The following TRIM33 variants were observed in gnomAD, a reference collection of about 807,000 sequenced individuals.
TRIM33 encodes tripartite motif containing 33, also known as E3 ubiquitin-protein ligase TRIM33.
Under a neutral mutation model 125.4 loss-of-function variants are expected in TRIM33, and 20 were observed. That is an observed-to-expected ratio of 0.16 (90% CI 0.11 to 0.23). The LOEUF is 0.23. TRIM33 is among the 10% of genes least tolerant of loss of function. TRIM33 has a pLI of 1.00. For missense variants in TRIM33, 920 were observed against 1,411.4 expected (o/e 0.65, Z 5.58); for synonymous variants, 564 against 513.9 (o/e 1.10, Z -1.32).
chr1:114,399,700 A>G, intron 17 of TRIM33, 91 bp from the exon 18 acceptor site: 1 of 1,154,872 alleles, frequency 8.7e-7, no homozygotes, highest in South Asian at 1.5e-5. Flanking sequence ...TTTAGGGAAA[A>G]AAATTATTAT....
chr1:114,489,525 C>T (rs1378202116), intron 1 of TRIM33, among the ~76,000 whole-genome samples: 1 of 152,098 alleles, frequency 6.6e-6, no homozygotes, highest in Non-Finnish European at 1.5e-5. Flanking sequence ...AAGAGGATCG[C>T]TTGGACCCAG....
chr1:114,500,115 A>C (rs28557026), intron 1 of TRIM33, among the ~76,000 whole-genome samples: 2 of 152,272 alleles, frequency 1.3e-5, no homozygotes. Context: ...TGCAGTGAGC[A>C]GAGATCGTGC....
chr1:114,461,560 CA>C (rs1289738400), intron 4 of TRIM33, among the ~76,000 whole-genome samples: 4 of 151,552 alleles, frequency 2.6e-5, no homozygotes, highest in East Asian at 1.9e-4. Flanking sequence ...AGAAAAAAAA[CA>C]TTTTTTTTAA....
Position 114,424,587 on chromosome 1 carries a change from A to C in TRIM33, c.1860+4T>G. The C allele has an allele frequency of 6.4e-7, 1 of 1,554,910 alleles. No individual in the cohort carries two copies. The highest frequency in any genetic ancestry group is 1.2e-5 in the South Asian group (1 of 81,586). ...GATTCTTACAAATGTAACTCTAGGC[A>C]TACTTGTCTTTGGAGGTGTGGCTGC... On this transcript the variant is annotated splice_donor_region_variant and intron_variant, in intron 10 of 19. Coordinates refer to ENST00000358465, the MANE Select transcript of TRIM33 (RefSeq NM_015906.4).
At position 114,420,451 on chromosome 1, in the gene TRIM33, C is replaced by T. The variant is rs1195054464; in HGVS notation, c.2061+985G>A. Reference sequence around the variant, plus strand: ...GAGTGCATCATCGGAACAACGTTTGCCTGTGGCAGGTGTAGAAAGGGAGTA... The same window carrying T: ...GAGTGCATCATCGGAACAACGTTTGTCTGTGGCAGGTGTAGAAAGGGAGTA... On this transcript the variant is annotated intron_variant, in intron 11 of 19. Coordinates refer to ENST00000358465, the MANE Select transcript of TRIM33 (RefSeq NM_015906.4). The T allele has an allele frequency of 8.3e-6, 11 of 1,332,948 alleles. No individual in the cohort carries two copies. The South Asian group carries it at 1.2e-4, about 15-fold the overall frequency. The allele number at this position is 1,332,948 out of a possible 1,614,324, so 82.6% of individuals were successfully genotyped here.
chr1:114,406,128 T>C (rs574454540), intron 14 of TRIM33, among the ~76,000 whole-genome samples: 2 of 152,336 alleles, frequency 1.3e-5, no homozygotes, highest in East Asian at 1.9e-4. Flanking sequence ...TTCTATAATA[T>C]TCTTCTGCTC....
At chr1:114,432,098 G>A (rs1647989379) in intron 5 of TRIM33, among the ~76,000 whole-genome samples, 1 of 152,154 alleles carries the variant, frequency 6.6e-6, no homozygotes, top group African/African-American at 2.4e-5. Context: ...AGTTATCAGA[G>A]ATTTTAATAC....
intron 4 of TRIM33, among the ~76,000 whole-genome samples, chr1:114,434,689 T>C (rs1001866186): frequency 2.0e-5 from 3 of 152,250 alleles, no homozygotes; most frequent in African/African-American, 7.2e-5. Flanking sequence ...ATGTCCTTTT[T>C]ACATGGACTA....
chr1:114,437,197 T>C (rs1042125685), intron 4 of TRIM33, among the ~76,000 whole-genome samples: 1 of 152,234 alleles, frequency 6.6e-6, no homozygotes, highest in Non-Finnish European at 1.5e-5. Context: ...ATGATATACC[T>C]AGGTAAACTG....
rs147289652 is a variant in TRIM33 at position 114,409,541 on chromosome 1, T to C, written c.2194+643A>G. ...TCAACTGACTCTGTATTGTAAAATA[T>C]AAGATTAAACCCATGAAAGACTGTG... On this transcript the variant is annotated intron_variant, in intron 12 of 19. Coordinates refer to ENST00000358465, the MANE Select transcript of TRIM33 (RefSeq NM_015906.4). Among the ~76,000 whole-genome samples the C allele has an allele frequency of 2.2e-4, 33 of 152,304 alleles. 1 individual carries two copies. In the East Asian group the frequency reaches 6.4e-3, roughly 29 times the overall value.
Position 114,396,392 on chromosome 1 carries a change from T to G in TRIM33, c.*1256A>C. On this transcript the variant is annotated 3_prime_UTR_variant, in exon 20 of 20. Coordinates refer to ENST00000358465, the MANE Select transcript of TRIM33 (RefSeq NM_015906.4). Reference sequence around the variant, plus strand: ...CTAAGTCCTTTAAGCCCCCAGTCCATGCAAATGTCCCACTTGGTGGACAGA... The same window carrying G: ...CTAAGTCCTTTAAGCCCCCAGTCCAGGCAAATGTCCCACTTGGTGGACAGA... 1 of 201,408 alleles carries G rather than the reference T, an allele frequency of 5.0e-6. No individual in the cohort carries two copies. Among genetic ancestry groups the G allele is most frequent in the East Asian group, 7.6e-5 (1 of 13,094 alleles). 12.5% of individuals were successfully genotyped at this position (201,408 alleles called of 1,614,324 possible). A position where few individuals can be genotyped will look rare whatever the true frequency, so the allele number is the denominator to read the frequency against.
In TRIM33 at chr1:114,511,181, G is replaced by C; in HGVS notation, c.-105C>G. The C allele has an allele frequency of 2.0e-6, 2 of 993,146 alleles. No homozygotes were observed. The highest frequency in any genetic ancestry group is 1.7e-5 in the African/African-American group (1 of 57,542). 61.5% of individuals were successfully genotyped at this position (993,146 alleles called of 1,614,324 possible). Reference sequence around the variant, plus strand: ...CGCAGCCGCAGCAAGAGCGGCAGCCGAGAGCTAGCGAGAGAGCGAACCAAC... The same window carrying C: ...CGCAGCCGCAGCAAGAGCGGCAGCCCAGAGCTAGCGAGAGAGCGAACCAAC... On this transcript the variant is annotated 5_prime_UTR_variant, in exon 1 of 20. Transcript: ENST00000358465.
intron 4 of TRIM33, among the ~76,000 whole-genome samples, chr1:114,460,710 GC>G (rs1332276235): frequency 6.7e-6 from 1 of 149,982 alleles, no homozygotes; most frequent in Non-Finnish European, 1.5e-5. Flanking sequence ...CCCTTCTCCA[GC>G]CTTACTAGGA....
At position 114,494,098 on chromosome 1, in the gene TRIM33, T is replaced by C. The variant is rs561497950; in HGVS notation, c.526+16453A>G. Among the ~76,000 whole-genome samples the C allele has an allele frequency of 2.9e-3, 447 of 151,610 alleles. 4 individuals are homozygous for C. Among genetic ancestry groups the C allele is most frequent in the African/African-American group, 0.01 (422 of 41,226 alleles). On this transcript the variant is annotated intron_variant, in intron 1 of 19. Coordinates refer to ENST00000358465, the MANE Select transcript of TRIM33 (RefSeq NM_015906.4). Reference sequence around the variant, plus strand: ...TTGGCCTCCCAAAGTGTTGGGATTATAAGTGTGAGCCACTGCACCCCGCCA... The same window carrying C: ...TTGGCCTCCCAAAGTGTTGGGATTACAAGTGTGAGCCACTGCACCCCGCCA...
intron 4 of TRIM33, among the ~76,000 whole-genome samples, chr1:114,434,423 C>A (rs980440810): frequency 2.0e-5 from 3 of 152,146 alleles, no homozygotes; most frequent in African/African-American, 7.2e-5. Flanking sequence ...GTTCTGGATG[C>A]CATGTACTGT....
chr1:114,453,699 C>G (rs114581028), intron 4 of TRIM33, among the ~76,000 whole-genome samples: 3,926 of 152,274 alleles, frequency 0.026, 87 homozygotes, highest in Non-Finnish European at 0.034. Flanking sequence ...CTGGGTCACA[C>G]AGTCTCATAT....
chr1:114,455,198 T>C (rs531596041), intron 4 of TRIM33, among the ~76,000 whole-genome samples: 1 of 152,258 alleles, frequency 6.6e-6, no homozygotes, highest in South Asian at 2.1e-4. Context: ...GGACTAGATA[T>C]AAAAGCCACT....
chr1:114,420,610 A>G (rs191842391), intron 11 of TRIM33, among the ~76,000 whole-genome samples: 68 of 152,356 alleles, frequency 4.5e-4, no homozygotes, highest in African/African-American at 1.6e-3. Flanking sequence ...TTTTAGCTAA[A>G]TAACTTTTCA....
chr1:114,462,018 A>C (rs1650031955), intron 4 of TRIM33, among the ~76,000 whole-genome samples: 1 of 152,176 alleles, frequency 6.6e-6, no homozygotes. Flanking sequence ...GAAAATGAGC[A>C]TATGGGTTAA....
Sources: gnomAD v4.1 joint callset for allele counts (sites outside exome capture counted in the v4.1 genomes callset) on GRCh38, gnomAD v4.1.1 for gene constraint, MANE v1.5 for transcripts, NCBI Gene and HGNC (gene_info 2026-07-23, HGNC 2026-07-21) for gene names.